Variants in GET1 observed in about 807,000 individuals in gnomAD.
GET1 encodes guided entry of tail-anchored proteins factor 1, also known as congenital heart disease 5 protein.
Under a neutral mutation model 22.6 loss-of-function variants are expected in GET1, and 20 were observed. The observed-to-expected ratio is 0.89, with a 90% confidence interval of 0.62 to 1.29. GET1 has a LOEUF of 1.29. Among genes scored for constraint, GET1 ranks in the 50% most tolerant of loss-of-function variants. The probability of loss-of-function intolerance (pLI) is 0.00; values close to 1 mark genes in which losing one functional copy is unlikely to be tolerated. For synonymous variants in GET1, 92 were observed against 83.8 expected, an observed-to-expected ratio of 1.10 and a Z score of -0.53; for missense variants, 209 against 219.9, an observed-to-expected ratio of 0.95 and a Z score of 0.31.
At position 39,391,756 on chromosome 21, in the gene GET1, T is replaced by C. The variant is rs745827376; in HGVS notation, c.269-13T>C. 2 of 1,613,560 alleles carry C rather than the reference T, an allele frequency of 1.2e-6. No homozygotes were observed. Among genetic ancestry groups the C allele is most frequent in the Non-Finnish European group, 1.7e-6 (2 of 1,179,628 alleles). ...AGGACTGACATAATTATTTATCCTG[T>C]TTTTCCTTTCAGTGAAAGCTCGGAC... is the stretch of plus-strand genomic sequence containing the variant. On this transcript the variant is annotated splice_polypyrimidine_tract_variant and intron_variant, in intron 2 of 4. Coordinates refer to ENST00000649170, the MANE Select transcript of GET1 (RefSeq NM_004627.6).
At chr21:39,390,439 T>A (rs878963268) in intron 1 of GET1, among the ~76,000 whole-genome samples, 2 of 152,176 alleles carry the variant, frequency 1.3e-5, no homozygotes, top group Admixed American at 1.3e-4. Context: ...TGTGGGAGTT[T>A]AAGGACTTTG....
intron 3 of GET1, chr21:39,392,809 C>A: frequency 4.8e-6 from 1 of 210,072 alleles, no homozygotes; most frequent in Non-Finnish European, 9.6e-6. Context: ...GAGAAAAGCA[C>A]ACCCGTGTTA....
intron 1 of GET1, chr21:39,423,163 G>T (rs769072025): frequency 2.5e-6 from 4 of 1,613,414 alleles, no homozygotes; most frequent in Non-Finnish European, 3.4e-6. Flanking sequence ...CTTTTCCTGG[G>T]ATTTCCTAAG....
At chr21:39,419,557 A>G (rs1375395428) in intron 1 of GET1, among the ~76,000 whole-genome samples, 1 of 151,676 alleles carries the variant, frequency 6.6e-6, no homozygotes, top group Non-Finnish European at 1.5e-5. Context: ...AAAGAAAGAA[A>G]GGGAAATTAT....
rs773974330 is a variant in GET1, at chr21:39,428,220, C to G, written c.*24-12C>G. The G allele has an allele frequency of 1.0e-5, 16 of 1,601,024 alleles. No individual in the cohort carries two copies. The East Asian group carries it at 3.6e-4, about 36-fold the overall frequency. ...ACATTATACTTTTTCTTCTCCTTTT[C>G]TTTTACCACAGGCTGCTTTAAATAA... On this transcript the variant is annotated splice_polypyrimidine_tract_variant and intron_variant, in intron 1 of 1. Transcript: ENST00000478273.
intron 3 of GET1, chr21:39,392,105 CCCAGTGTGGTTTGAAGGG>C: frequency 2.3e-6 from 1 of 436,860 alleles, no homozygotes; most frequent in East Asian, 4.5e-5. Context: ...ATGCCTGCAT[CCCAGTGTGGTTTGAAGGG>C]CCTGGTGGGA....
At chr21:39,406,179 A>G in exon 5 of GET1, 1 of 1,614,218 alleles carries the variant, frequency 6.2e-7, no homozygotes, top group Non-Finnish European at 8.5e-7. Flanking sequence ...GCTCATACCC[A>G]CTGTCAGAAT....
chr21:39,396,421 G>A (rs111427293), intron 4 of GET1, among the ~76,000 whole-genome samples: 3 of 152,244 alleles, frequency 2.0e-5, no homozygotes, highest in Middle Eastern at 3.4e-3. Flanking sequence ...CCAGCTACTC[G>A]GGAGGCTGAG....
At chr21:39,400,862 T>A (rs1484310711), downstream of GET1, among the ~76,000 whole-genome samples, 1 of 152,158 alleles carries the variant, frequency 6.6e-6, no homozygotes, top group Admixed American at 6.5e-5. Context: ...GATATTGGAC[T>A]CTAAAGGGTA....
intron 1 of GET1, among the ~76,000 whole-genome samples, chr21:39,385,450 G>A (rs972254845): frequency 5.9e-5 from 9 of 152,340 alleles, no homozygotes; most frequent in South Asian, 2.1e-4. Context: ...CAAGTCCGTG[G>A]TGTTGGCGTG....
chr21:39,423,012 G>GA (rs1222760644), intron 1 of GET1: 1 of 1,613,894 alleles, frequency 6.2e-7, no homozygotes, highest in African/African-American at 1.3e-5. Flanking sequence ...TTTTTGTTGT[G>GA]ATAATAGATA....
downstream of GET1, chr21:39,406,823 A>G: frequency 2.1e-6 from 1 of 466,096 alleles, no homozygotes. Flanking sequence ...TCCCAAGCAG[A>G]TGGGAATTAT....
intron 4 of GET1, among the ~76,000 whole-genome samples, chr21:39,403,472 G>A (rs1569049234): frequency 1.3e-5 from 2 of 151,976 alleles, no homozygotes; most frequent in South Asian, 2.1e-4. Context: ...GACTAAAGGC[G>A]CCGCCACCAC....
intron 1 of GET1, among the ~76,000 whole-genome samples, chr21:39,383,975 A>G (rs1172055982): frequency 6.6e-6 from 1 of 151,050 alleles, no homozygotes; most frequent in Non-Finnish European, 1.5e-5. Context: ...TCCTGACCTC[A>G]GGTGATCCAC....
At chr21:39,380,680 G>C in intron 1 of GET1, 194 bp downstream of exon 1, 4 of 1,396,550 alleles carry the variant, frequency 2.9e-6, no homozygotes, top group Non-Finnish European at 3.7e-6. Flanking sequence ...AGACTTTCTG[G>C]GTTCTAGGGG....
chr21:39,395,402 T>C (rs1357718203), intron 4 of GET1, among the ~76,000 whole-genome samples: 1 of 151,850 alleles, frequency 6.6e-6, no homozygotes, highest in East Asian at 1.9e-4. Context: ...TCTCACTCTG[T>C]CGCCCAGGCT....
At chr21:39,386,062 C>A (rs138842942) in intron 1 of GET1, 1 of 152,270 alleles carries the variant, frequency 6.6e-6, no homozygotes, top group Non-Finnish European at 1.5e-5. Flanking sequence ...CCGAGCTTTG[C>A]AGATGAAGGA....
At chr21:39,412,547 T>C (rs2040276437) in intron 1 of GET1, among the ~76,000 whole-genome samples, 2 of 151,794 alleles carry the variant, frequency 1.3e-5, no homozygotes, top group Admixed American at 1.3e-4. Flanking sequence ...TGGGCATATA[T>C]GAAGTAAGGA....
chr21:39,393,940 A>G (rs984904299), intron 4 of GET1, among the ~76,000 whole-genome samples: 5 of 152,156 alleles, frequency 3.3e-5, no homozygotes, highest in South Asian at 4.1e-4. Flanking sequence ...ATGAACCACT[A>G]TGCCCAGCCA....
Sources: allele counts gnomAD v4.1 joint callset (sites outside exome capture counted in the v4.1 genomes callset), GRCh38; gene constraint gnomAD v4.1.1; transcripts MANE v1.5; gene names NCBI Gene and HGNC (gene_info 2026-07-23, HGNC 2026-07-21).